The following TET2 variants were observed in gnomAD, a reference collection of about 807,000 sequenced individuals.
The protein encoded by TET2 is methylcytosine dioxygenase TET2.
Under a neutral mutation model 142.9 loss-of-function variants are expected in TET2, and 299 were observed. The observed-to-expected ratio is 2.09, with a 90% CI of 1.90 to 2.30. TET2 has a LOEUF of 2.30. Among genes scored for constraint, TET2 ranks in the 30% most tolerant of loss-of-function variants. TET2 has a pLI of 0.00. For missense variants in TET2, 2,418 were observed against 2,378.0 expected (o/e 1.02, Z -0.35); for synonymous variants, 819 against 849.0 (o/e 0.96, Z 0.61).
intron 3 of TET2, chr4:105,238,559 C>G: frequency 4.1e-6 from 1 of 243,842 alleles, no homozygotes; most frequent in Non-Finnish European, 8.7e-6. Context: ...CTCAAACATT[C>G]TTTGTTCATC....
chr4:105,257,693 A>G (rs886627925), intron 6 of TET2, among the ~76,000 whole-genome samples: 1 of 152,186 alleles, frequency 6.6e-6, no homozygotes, highest in African/African-American at 2.4e-5. Flanking sequence ...TCCCAGGAAT[A>G]TATTTTCAAA....
chr4:105,219,286 G>A (rs975214110), intron 2 of TET2, among the ~76,000 whole-genome samples: 30 of 151,924 alleles, frequency 2.0e-4, no homozygotes, highest in Non-Finnish European at 8.8e-5. Flanking sequence ...TTCCAAAATA[G>A]GAAGAATAAA....
At chr4:105,242,956 C>CT in intron 5 of TET2, 29 bp downstream of exon 5, 1 of 1,527,360 alleles carries the variant, frequency 6.5e-7, no homozygotes, top group Non-Finnish European at 8.9e-7. Flanking sequence ...AGCCTTTGGT[C>CT]TTAAATCTTG....
chr4:105,229,302 C>G (rs1168377612), intron 2 of TET2, among the ~76,000 whole-genome samples: 1 of 152,114 alleles, frequency 6.6e-6, no homozygotes, highest in Non-Finnish European at 1.5e-5. Context: ...TTTTCTTTGT[C>G]CAATATGAGT....
rs1271326758 is a variant in TET2 at position 105,278,646 on chromosome 4, A to G, written c.*2127A>G. The G allele has an allele frequency of 4.3e-6, 1 of 232,464 alleles. No individual in the cohort carries two copies. Among genetic ancestry groups the G allele is most frequent in the East Asian group, 6.1e-5 (1 of 16,426 alleles). The allele number at this position is 232,464 out of a possible 1,614,324, so 14.4% of individuals were successfully genotyped here. ...ACATGTGCTGATGTAACTAAAACTAATTTTGTAAATCTGTTGGCTCTTTTT... is the reference window on the plus strand; with the variant it reads ...ACATGTGCTGATGTAACTAAAACTAGTTTTGTAAATCTGTTGGCTCTTTTT... On this transcript the variant is annotated 3_prime_UTR_variant, in exon 11 of 11. Transcript: ENST00000380013.
chr4:105,176,976 G>C (rs1257880339), intron 1 of TET2, among the ~76,000 whole-genome samples: 3 of 152,170 alleles, frequency 2.0e-5, no homozygotes, highest in Non-Finnish European at 4.4e-5. Flanking sequence ...ATAATCAAAT[G>C]ATCTTTGACA....
At chr4:105,264,745 G>T (rs1016531366) in intron 8 of TET2, among the ~76,000 whole-genome samples, 4 of 152,144 alleles carry the variant, frequency 2.6e-5, no homozygotes, top group Non-Finnish European at 4.4e-5. Flanking sequence ...ATATGCTTTA[G>T]AGATCAAAAT....
intron 1 of TET2, among the ~76,000 whole-genome samples, chr4:105,148,922 T>A (rs1723168082): frequency 6.6e-6 from 1 of 152,192 alleles, no homozygotes; most frequent in Non-Finnish European, 1.5e-5. Context: ...TCTATTTTGA[T>A]CTTTGTTAAT....
chr4:105,277,357 A>T lies in TET2; in HGVS notation c.*838A>T. On this transcript the variant is annotated 3_prime_UTR_variant, in exon 11 of 11. Transcript: ENST00000380013. ...TAAACGTATATATGTACATATATAC[A>T]CAAACATGTATATGTGCACACACAT... 4.4e-6 allele frequency: 1 copy of T among 225,084 alleles called. No individual in the cohort carries two copies. Among genetic ancestry groups the T allele is most frequent in the Non-Finnish European group, 8.8e-6 (1 of 113,050 alleles). 13.9% of individuals were successfully genotyped at this position (225,084 alleles called of 1,614,324 possible).
At chr4:105,188,817 T>C (rs1386753706) in intron 1 of TET2, among the ~76,000 whole-genome samples, 1 of 152,060 alleles carries the variant, frequency 6.6e-6, no homozygotes, top group Non-Finnish European at 1.5e-5. Context: ...CCATAAAGAC[T>C]GAAAGTTGAT....
intron 1 of TET2, among the ~76,000 whole-genome samples, chr4:105,170,868 G>A (rs926204504): frequency 1.3e-5 from 2 of 152,248 alleles, no homozygotes; most frequent in Middle Eastern, 6.8e-3. Flanking sequence ...TAGACTTAGG[G>A]TGCTCAAGCC....
intron 2 of TET2, among the ~76,000 whole-genome samples, chr4:105,226,065 G>A (rs575436686): frequency 9.3e-6 from 1 of 107,804 alleles, no homozygotes; most frequent in Admixed American, 8.9e-5. Flanking sequence ...CTACAGATAC[G>A]TAGCCAAAAT....
At chr4:105,168,252 C>T (rs1280921105) in intron 1 of TET2, among the ~76,000 whole-genome samples, 2 of 152,118 alleles carry the variant, frequency 1.3e-5, no homozygotes, top group Admixed American at 1.3e-4. Context: ...AAGCCAAAGC[C>T]CTTTTCATGA....
chr4:105,160,697 T>G (rs1723804959), intron 1 of TET2, among the ~76,000 whole-genome samples: 1 of 152,230 alleles, frequency 6.6e-6, no homozygotes, highest in South Asian at 2.1e-4. Flanking sequence ...GAAATATGTA[T>G]TTTTTAAAAT....
At chr4:105,184,556 A>C (rs1360096630) in intron 1 of TET2, among the ~76,000 whole-genome samples, 1 of 152,212 alleles carries the variant, frequency 6.6e-6, no homozygotes, top group Non-Finnish European at 1.5e-5. Context: ...AGGAGCAGGA[A>C]GTGAATACAT....
At chr4:105,186,841 G>A (rs1359844119) in intron 1 of TET2, among the ~76,000 whole-genome samples, 2 of 152,150 alleles carry the variant, frequency 1.3e-5, no homozygotes, top group Non-Finnish European at 2.9e-5. Context: ...AGTCATCACT[G>A]TATTTATCAG....
intron 6 of TET2, among the ~76,000 whole-genome samples, chr4:105,259,086 A>C (rs2110283573): frequency 6.6e-6 from 1 of 152,288 alleles, no homozygotes; most frequent in South Asian, 2.1e-4. Flanking sequence ...TATATCAAGT[A>C]TAAAAGTAGG....
intron 1 of TET2, among the ~76,000 whole-genome samples, chr4:105,164,371 T>C (rs1407983343): frequency 6.6e-6 from 1 of 152,234 alleles, no homozygotes; most frequent in Non-Finnish European, 1.5e-5. Context: ...GTGAATCTGC[T>C]TCTCTACCTG....
intron 6 of TET2, among the ~76,000 whole-genome samples, chr4:105,248,666 A>G (rs2110265280): frequency 6.6e-6 from 1 of 152,332 alleles, no homozygotes; most frequent in Non-Finnish European, 1.5e-5. Flanking sequence ...TAATTCACAT[A>G]CCATAAAATT....
Sources: gnomAD v4.1 joint callset for allele counts (sites outside exome capture counted in the v4.1 genomes callset) on GRCh38, gnomAD v4.1.1 for gene constraint, MANE v1.5 for transcripts, NCBI Gene and HGNC (gene_info 2026-07-23, HGNC 2026-07-21) for gene names.